The following CNTN5 variants were observed in gnomAD, a reference collection of about 807,000 sequenced individuals.
CNTN5 encodes contactin 5.
A neutral mutation model predicts 129.1 loss-of-function variants in CNTN5; 77 were observed. That is an observed-to-expected ratio of 0.60 (90% CI 0.50 to 0.72). The LOEUF (loss-of-function observed/expected upper bound fraction) is 0.72. Ranked by LOEUF, CNTN5 falls within the 30% of genes least tolerant of loss-of-function variation. The pLI is 0.00. For missense variants in CNTN5, 1,478 were observed against 1,328.8 expected, an observed-to-expected ratio of 1.11 and a Z score of -1.75; for synonymous variants, 509 against 465.6, an observed-to-expected ratio of 1.09 and a Z score of -1.20.
intron 6 of CNTN5, among the ~76,000 whole-genome samples, chr11:99,870,925 T>A (rs1948488939): frequency 6.6e-6 from 1 of 152,088 alleles, no homozygotes; most frequent in African/African-American, 2.4e-5. Flanking sequence ...TTATAGCCAT[T>A]ATTTAGGTTC....
chr11:99,196,890 G>A (rs141856203), intron 1 of CNTN5, among the ~76,000 whole-genome samples: 64 of 151,908 alleles, frequency 4.2e-4, no homozygotes, highest in Non-Finnish European at 8.0e-4. Flanking sequence ...TGGAGGGAGT[G>A]AATAAAATAT....
chr11:99,080,000 C>T (rs117754767), intron 1 of CNTN5, among the ~76,000 whole-genome samples: 2,201 of 152,234 alleles, frequency 0.014, 38 homozygotes, highest in Non-Finnish European at 0.02. Context: ...TACTGTTATG[C>T]TTTACATTCC....
chr11:100,197,480 A>G (rs1948671975), intron 15 of CNTN5, among the ~76,000 whole-genome samples: 1 of 151,990 alleles, frequency 6.6e-6, no homozygotes, highest in Non-Finnish European at 1.5e-5. Context: ...TTGACCTTAA[A>G]TAACCATCCT....
Position 99,185,286 on chromosome 11 carries a change from G to T in CNTN5, c.-209-140060G>T, listed in dbSNP as rs200368313. On this transcript the variant is annotated intron_variant, in intron 1 of 24. Transcript: ENST00000524871. Reference sequence around the variant, plus strand: ...TGATTAGGGTGAATCGATAACTAAAGATTTTTTTTATTCATTCACTTAACA... The same window carrying T: ...TGATTAGGGTGAATCGATAACTAAATATTTTTTTTATTCATTCACTTAACA... 1.0e-3 allele frequency among the ~76,000 whole-genome samples: 24 copies of T among 22,978 alleles called. 1 individual carries two copies. The South Asian group carries it at 0.072, about 69-fold the overall frequency. 15.1% of individuals were successfully genotyped at this position (22,978 alleles called of 152,430 possible).
chr11:99,075,032 A>G (rs540772703), intron 1 of CNTN5, among the ~76,000 whole-genome samples: 1 of 152,342 alleles, frequency 6.6e-6, no homozygotes, highest in South Asian at 2.1e-4. Flanking sequence ...TATATGTTCA[A>G]GAGAGACACT....
At chr11:99,118,939 A>G (rs1466994832) in intron 1 of CNTN5, among the ~76,000 whole-genome samples, 1 of 151,856 alleles carries the variant, frequency 6.6e-6, no homozygotes, top group Admixed American at 6.6e-5. Context: ...TAATTATGTT[A>G]GATAATATTT....
chr11:100,307,468 C>T (rs751384380), intron 20 of CNTN5, among the ~76,000 whole-genome samples: 4 of 151,240 alleles, frequency 2.6e-5, no homozygotes, highest in South Asian at 2.1e-4. Context: ...AGTGCAGCCT[C>T]GAATAAAGTA....
At chr11:99,312,015 T>A (rs1201557402) in intron 1 of CNTN5, among the ~76,000 whole-genome samples, 1 of 152,190 alleles carries the variant, frequency 6.6e-6, no homozygotes, top group Non-Finnish European at 1.5e-5. Flanking sequence ...CTGCTACTGC[T>A]GGTTAGCCAG....
At chr11:99,985,003 C>T (rs551805291) in intron 8 of CNTN5, among the ~76,000 whole-genome samples, 136 of 152,248 alleles carry the variant, frequency 8.9e-4, no homozygotes, top group African/African-American at 3.2e-3. Flanking sequence ...TACTATCCTG[C>T]GGCAGTGCCC....
chr11:99,807,023 A>G (rs981339674), intron 3 of CNTN5, among the ~76,000 whole-genome samples: 22 of 152,042 alleles, frequency 1.4e-4, no homozygotes, highest in African/African-American at 5.1e-4. Context: ...ACAAATCAGA[A>G]CTCAATAGGA....
intron 2 of CNTN5, among the ~76,000 whole-genome samples, chr11:99,331,493 A>G (rs965567861): frequency 2.6e-5 from 4 of 152,170 alleles, no homozygotes; most frequent in African/African-American, 9.6e-5. Context: ...AAAAGCAGTT[A>G]ACAAAATGAC....
At chr11:100,312,214 G>A (rs2138933502) in intron 21 of CNTN5, among the ~76,000 whole-genome samples, 1 of 151,998 alleles carries the variant, frequency 6.6e-6, no homozygotes, top group Admixed American at 6.6e-5. Flanking sequence ...GAAAACTTTG[G>A]CTAAACATGA....
At chr11:99,782,685 C>T (rs1296081086) in intron 3 of CNTN5, among the ~76,000 whole-genome samples, 1 of 152,000 alleles carries the variant, frequency 6.6e-6, no homozygotes, top group Non-Finnish European at 1.5e-5. Context: ...ATATCCACAA[C>T]TATCTGATCT....
At chr11:99,231,442 G>A (rs1039575587) in intron 1 of CNTN5, among the ~76,000 whole-genome samples, 5 of 152,096 alleles carry the variant, frequency 3.3e-5, no homozygotes, top group African/African-American at 9.7e-5. Context: ...CTCTATAAAC[G>A]TCTATTTTTG....
At chr11:100,098,032 A>G (rs921556) in intron 13 of CNTN5, among the ~76,000 whole-genome samples, 69,441 of 151,672 alleles carry the variant, frequency 0.46, 16,943 homozygotes, top group East Asian at 0.71. Flanking sequence ...TGAGCTAGGT[A>G]ATAGGTTAGC....
chr11:99,653,681 T>C (rs1455404415), intron 3 of CNTN5, among the ~76,000 whole-genome samples: 1 of 152,010 alleles, frequency 6.6e-6, no homozygotes, highest in African/African-American at 2.4e-5. Context: ...ACATGTAATA[T>C]ATGTGAATTT....
chr11:99,224,810 C>T (rs1860591533), intron 1 of CNTN5, among the ~76,000 whole-genome samples: 1 of 151,896 alleles, frequency 6.6e-6, no homozygotes, highest in African/African-American at 2.4e-5. Flanking sequence ...TAACCCACAT[C>T]TGATGACTGA....
intron 3 of CNTN5, among the ~76,000 whole-genome samples, chr11:99,796,864 C>G (rs916048359): frequency 2.0e-5 from 3 of 152,100 alleles, no homozygotes; most frequent in African/African-American, 7.2e-5. Context: ...AAGCAGCTCT[C>G]CCTGACAACT....
chr11:99,107,524 A>G lies in CNTN5; in HGVS notation c.-210+86254A>G, dbSNP rs1412222609. 2.0e-5 allele frequency among the ~76,000 whole-genome samples: 3 copies of G among 152,286 alleles called. No individual in the cohort carries two copies. In the East Asian group the frequency reaches 5.8e-4, roughly 29 times the overall value. ...TTCTCTATAGCTATTAGGCTCTAAGAAACTTAATTCTTGAGTCATCATAGG... is the reference window on the plus strand; with the variant it reads ...TTCTCTATAGCTATTAGGCTCTAAGGAACTTAATTCTTGAGTCATCATAGG... On this transcript the variant is annotated intron_variant, in intron 1 of 24. Coordinates refer to ENST00000524871, the MANE Select transcript of CNTN5 (RefSeq NM_014361.4).
Sources: gnomAD v4.1 joint callset for allele counts (sites outside exome capture counted in the v4.1 genomes callset) on GRCh38, gnomAD v4.1.1 for gene constraint, MANE v1.5 for transcripts, NCBI Gene and HGNC (gene_info 2026-07-23, HGNC 2026-07-21) for gene names.